Variants in MLXIPL observed in about 807,000 individuals in gnomAD.
The protein encoded by MLXIPL is carbohydrate-responsive element-binding protein.
MLXIPL carries 49 observed loss-of-function variants against 81.5 expected under a neutral mutation model. The observed-to-expected ratio is 0.60, with a 90% CI of 0.48 to 0.76. The LOEUF is 0.76. Among genes scored for constraint, MLXIPL ranks in the 30% least tolerant of loss-of-function variants. The pLI, the probability that MLXIPL is intolerant of heterozygous loss-of-function variation, is 0.00. For synonymous variants in MLXIPL, 466 were observed against 485.5 expected, an observed-to-expected ratio of 0.96 and a Z score of 0.53; for missense variants, 1,053 against 1,167.0, an observed-to-expected ratio of 0.90 and a Z score of 1.42.
chr7:73,627,219 C>A (rs546291087), upstream of MLXIPL, among the ~76,000 whole-genome samples: 1 of 151,576 alleles, frequency 6.6e-6, no homozygotes, highest in South Asian at 2.1e-4. Flanking sequence ...GGGCTCTGCC[C>A]TGCTTCAGAG....
chr7:73,631,558 C>CTTTTTTTTTTTTTTTTTTTTTTTTTT, the MLXIPL span, among the ~76,000 whole-genome samples: 2 of 69,662 alleles, frequency 2.9e-5, no homozygotes, highest in Non-Finnish European at 5.8e-5. Context: ...GATGTTGCTA[C>CTTTTTTTTTTTTTTTTTTTTTTTTTT]TTTTTTTTTT....
chr7:73,606,395 G>GT (rs149023905), intron 5 of MLXIPL: 43,155 of 356,996 alleles, frequency 0.12, 6 homozygotes, highest in East Asian at 0.15. Context: ...GGTCCCTCTG[G>GT]TTTTTTTTTT....
At position 73,606,139 on chromosome 7, in the gene MLXIPL, C is replaced by A. The variant is rs994404542; in HGVS notation, c.619-28G>T. 2.6e-6 allele frequency: 4 copies of A among 1,554,328 alleles called. No individual in the cohort carries two copies. The Admixed American group carries it at 5.8e-5, about 23-fold the overall frequency. ...AGGGAGACAGAGCCGTCAGCAGCCG[C>A]TAGAGAGCTCCCACTGCCCCGATCT... On this transcript the variant is annotated intron_variant, in intron 5 of 16. Coordinates refer to ENST00000313375, the MANE Select transcript of MLXIPL (RefSeq NM_032951.3).
At chr7:73,601,959 C>T (rs538686331) in intron 7 of MLXIPL, among the ~76,000 whole-genome samples, 23 of 152,146 alleles carry the variant, frequency 1.5e-4, no homozygotes, top group Admixed American at 1.2e-3. Flanking sequence ...TCTGTCGCTC[C>T]GTCTGAGGCC....
intron 1 of MLXIPL, among the ~76,000 whole-genome samples, chr7:73,620,330 G>T (rs1260732313): frequency 2.0e-5 from 3 of 151,856 alleles, no homozygotes; most frequent in Non-Finnish European, 4.4e-5. Flanking sequence ...CTTGAACCCA[G>T]GAGGCGGATG....
At chr7:73,632,731 A>C in the MLXIPL span, among the ~76,000 whole-genome samples, 7 of 143,582 alleles carry the variant, frequency 4.9e-5, no homozygotes, top group South Asian at 2.2e-4. Context: ...TTTCCCTTTC[A>C]TTCCTTCCTT....
At chr7:73,607,243 T>G in intron 4 of MLXIPL, 88 bp downstream of exon 4, 1 of 1,395,734 alleles carries the variant, frequency 7.2e-7, no homozygotes, top group South Asian at 1.3e-5. Flanking sequence ...GGGGTCAGGA[T>G]CCCCTTTCCA....
At chr7:73,598,995 G>A (rs1682111185) in intron 8 of MLXIPL, among the ~76,000 whole-genome samples, 1 of 151,514 alleles carries the variant, frequency 6.6e-6, no homozygotes, top group African/African-American at 2.4e-5. Context: ...TTGAACACGG[G>A]AGGCGGAGGT....
At chr7:73,632,094 G>T in the MLXIPL span, among the ~76,000 whole-genome samples, 1 of 151,760 alleles carries the variant, frequency 6.6e-6, no homozygotes, top group African/African-American at 2.4e-5. Flanking sequence ...CTGGGCTCAA[G>T]CCATCCTCCT....
At chr7:73,632,428 C>T in the MLXIPL span, among the ~76,000 whole-genome samples, 5 of 152,132 alleles carry the variant, frequency 3.3e-5, no homozygotes, top group East Asian at 1.9e-4. Flanking sequence ...TATTTGAAAA[C>T]GAAACCGACT....
In MLXIPL at chr7:73,624,489, C is replaced by T; in HGVS notation, c.4G>A (p.Ala2Thr). 6.6e-7 allele frequency: 1 copy of T among 1,525,646 alleles called. No homozygotes were observed. The highest frequency in any genetic ancestry group is 2.5e-5 in the East Asian group (1 of 39,882). 94.5% of individuals were successfully genotyped at this position (1,525,646 alleles called of 1,614,324 possible). A position where few individuals can be genotyped will look rare whatever the true frequency, so the allele number is the denominator to read the frequency against. The change falls in exon 1 of 17, where the codon GCC becomes ACC. Residue 2 changes from alanine to threonine, a missense_variant. Transcript: ENST00000313375. M[A>T]GALAGLAAGL... ...GCGGCCAGACCTGCCAGCGCGCCGG[C>T]CATGGCTGTCGCCGCCGCAACCGCC...
intron 7 of MLXIPL, among the ~76,000 whole-genome samples, chr7:73,603,673 C>A (rs139298597): frequency 6.6e-6 from 1 of 152,194 alleles, no homozygotes; most frequent in Admixed American, 6.5e-5. Context: ...TTCGATGAGA[C>A]GGGCTGAGCC....
At chr7:73,627,720 G>A (rs1458670462), upstream of MLXIPL, among the ~76,000 whole-genome samples, 1 of 152,148 alleles carries the variant, frequency 6.6e-6, no homozygotes, top group Non-Finnish European at 1.5e-5. Context: ...AGACTTGGGG[G>A]ATGCTTGAAG....
In MLXIPL at chr7:73,596,865, CGGG is replaced by C; in HGVS notation, c.1668_1670del (p.Pro557del). ...CACCGCCCAGTGCCCGAGATCTTAC[CGGG>C]GACCCTGGGGACCGGAGGAGGGTGC... On this transcript the variant is annotated inframe_deletion and splice_region_variant, in exon 10 of 17. Coordinates refer to ENST00000313375, the MANE Select transcript of MLXIPL (RefSeq NM_032951.3). The surrounding 1 kb of genome is among the most constrained non-coding windows in gnomAD (Gnocchi z 4.7). 3 of 1,611,352 alleles carry C rather than the reference CGGG, an allele frequency of 1.9e-6. No homozygotes were observed. Among genetic ancestry groups the C allele is most frequent in the Non-Finnish European group, 2.5e-6 (3 of 1,179,500 alleles).
the MLXIPL span, among the ~76,000 whole-genome samples, chr7:73,646,109 T>A: frequency 6.6e-6 from 1 of 152,164 alleles, no homozygotes; most frequent in Admixed American, 6.5e-5. Context: ...AGGACTGCAC[T>A]AATGATGGCC....
chr7:73,619,720 G>A (rs1796218819), intron 1 of MLXIPL, among the ~76,000 whole-genome samples: 2 of 151,594 alleles, frequency 1.3e-5, no homozygotes, highest in Non-Finnish European at 2.9e-5. Context: ...CACAAGGTCA[G>A]GAGATCGAGA....
intron 7 of MLXIPL, among the ~76,000 whole-genome samples, chr7:73,603,943 C>A (rs782072118): frequency 6.6e-6 from 1 of 152,126 alleles, no homozygotes; most frequent in African/African-American, 2.4e-5. Context: ...AGGCCAGACG[C>A]GGTAGCTCAC....
In MLXIPL at chr7:73,594,210, G is replaced by A. The variant is rs1794079524; in HGVS notation, c.2440+64C>T. ...AAGCTGGATGTGGGATCTAAGCAGG[G>A]TGGAATGCTCCCTCCACCCCCGAGG... On this transcript the variant is annotated intron_variant, in intron 16 of 16. Coordinates refer to ENST00000313375, the MANE Select transcript of MLXIPL (RefSeq NM_032951.3). 3.1e-6 allele frequency: 5 copies of A among 1,603,702 alleles called. No homozygotes were observed. The East Asian group carries it at 6.7e-5, about 21-fold the overall frequency.
At chr7:73,612,739 T>C (rs1795773049) in intron 2 of MLXIPL, among the ~76,000 whole-genome samples, 2 of 151,930 alleles carry the variant, frequency 1.3e-5, no homozygotes, top group African/African-American at 4.8e-5. Context: ...CTGGACTGTT[T>C]CTCATGGAAA....
Sources: gnomAD v4.1 joint callset for allele counts (sites outside exome capture counted in the v4.1 genomes callset) on GRCh38, gnomAD v4.1.1 for gene constraint, Gnocchi (gnomAD v3.1) non-coding constraint, MANE v1.5 for transcripts, NCBI Gene and HGNC (gene_info 2026-07-23, HGNC 2026-07-21) for gene names.